The following AP3S2 variants were observed in gnomAD, a reference collection of about 807,000 sequenced individuals.
AP3S2 encodes adaptor related protein complex 3 subunit sigma 2, also known as AP-3 complex subunit sigma-2.
A neutral mutation model predicts 23.4 loss-of-function variants in AP3S2; 22 were observed. The ratio of observed to expected loss-of-function variants is 0.94; its 90% CI spans 0.67 to 1.34. The LOEUF is 1.34. Among genes scored for constraint, AP3S2 ranks in the 40% most tolerant of loss-of-function variants. AP3S2 has a pLI of 0.00. For missense variants in AP3S2, 241 were observed against 236.9 expected (o/e 1.02, Z -0.11); for synonymous variants, 86 against 87.1 (o/e 0.99, Z 0.07).
intron 4 of AP3S2, among the ~76,000 whole-genome samples, chr15:89,844,247 CTTTCTTTCTTTCTTTCTTTCTT>C (rs775973341): frequency 0.15 from 9,338 of 64,396 alleles, 386 homozygotes; most frequent in Non-Finnish European, 0.17. Flanking sequence ...TTCTTTCTTT[CTTTCTTTCTTTCTTTCTTTCTT>C]TCTCTCTCTC....
intron 1 of AP3S2, among the ~76,000 whole-genome samples, chr15:89,891,429 C>T (rs971535873): frequency 1.3e-5 from 2 of 152,146 alleles, no homozygotes; most frequent in South Asian, 2.1e-4. Flanking sequence ...GAGGCCAAGA[C>T]GGGCAGATTA....
chr15:89,885,217 T>A (rs1211201491), intron 3 of AP3S2, among the ~76,000 whole-genome samples: 1 of 151,766 alleles, frequency 6.6e-6, no homozygotes, highest in Non-Finnish European at 1.5e-5. Context: ...TTTTTTGAGA[T>A]AGAGTCTCGC....
chr15:89,857,577 G>A (rs537073760), intron 4 of AP3S2, among the ~76,000 whole-genome samples: 1 of 152,296 alleles, frequency 6.6e-6, no homozygotes, highest in South Asian at 2.1e-4. Flanking sequence ...AAGTATAGAA[G>A]ATATAAATGC....
intron 3 of AP3S2, among the ~76,000 whole-genome samples, chr15:89,883,737 G>A (rs924130214): frequency 3.9e-5 from 6 of 152,142 alleles, no homozygotes; most frequent in Admixed American, 1.3e-4. Context: ...AGATAACATT[G>A]GCTCTGGTTC....
intron 4 of AP3S2, among the ~76,000 whole-genome samples, chr15:89,866,261 CAAAAAAAAA>C (rs368571089): frequency 1.1e-5 from 1 of 87,726 alleles, no homozygotes; most frequent in African/African-American, 4.8e-5. Flanking sequence ...GACTCCGTCT[CAAAAAAAAA>C]AAAAAAAAAA....
intron 3 of AP3S2, among the ~76,000 whole-genome samples, chr15:89,882,283 C>T (rs1896589121): frequency 6.6e-6 from 1 of 151,922 alleles, no homozygotes; most frequent in Admixed American, 6.6e-5. Context: ...AACAAAGTAT[C>T]CAGTGTCTGT....
At chr15:89,835,733 A>C in intron 5 of AP3S2, 90 bp from the exon 6 acceptor site, 3 of 1,483,644 alleles carry the variant, frequency 2.0e-6, no homozygotes, top group Non-Finnish European at 2.7e-6. Context: ...GCAAAAACAA[A>C]AACAAACAAG....
chr15:89,863,399 A>G (rs1896048801), intron 4 of AP3S2, among the ~76,000 whole-genome samples: 1 of 152,166 alleles, frequency 6.6e-6, no homozygotes, highest in Non-Finnish European at 1.5e-5. Flanking sequence ...CATTCTGTGT[A>G]GACACAGAAG....
chr15:89,856,054 A>T, intron 4 of AP3S2, among the ~76,000 whole-genome samples: 1 of 152,198 alleles, frequency 6.6e-6, no homozygotes, highest in East Asian at 1.9e-4. Context: ...TGCATAAATT[A>T]CACAGTTAGA....
intron 3 of AP3S2, among the ~76,000 whole-genome samples, chr15:89,875,844 G>A (rs1896430451): frequency 6.6e-6 from 1 of 152,112 alleles, no homozygotes; most frequent in Non-Finnish European, 1.5e-5. Flanking sequence ...AGCTACTCGG[G>A]AGGCTGTGGT....
intron 3 of AP3S2, among the ~76,000 whole-genome samples, chr15:89,884,497 G>T (rs1042914384): frequency 6.6e-6 from 1 of 151,842 alleles, no homozygotes; most frequent in Non-Finnish European, 1.5e-5. Flanking sequence ...TAGATGATTT[G>T]TTTAAGGTCA....
chr15:89,864,583 C>T (rs138595738), intron 4 of AP3S2, among the ~76,000 whole-genome samples: 1,965 of 151,484 alleles, frequency 0.013, 19 homozygotes, highest in Middle Eastern at 0.068. Flanking sequence ...TTTTTTGAGA[C>T]GGAGTCTCGC....
intron 4 of AP3S2, among the ~76,000 whole-genome samples, chr15:89,843,649 A>G (rs549816318): frequency 2.0e-5 from 3 of 152,164 alleles, no homozygotes; most frequent in Admixed American, 1.3e-4. Context: ...AAAAACAAAC[A>G]AACAAAAGTT....
chr15:89,835,415 T>C lies in AP3S2; in HGVS notation c.*100A>G. The C allele has an allele frequency of 6.4e-7, 1 of 1,550,936 alleles. No homozygotes were observed. The highest frequency in any genetic ancestry group is 1.9e-5 in the Admixed American group (1 of 51,494). ...CACAAAGTTTCCAGGTCCTGAGGCT[T>C]GACTCTTCTAAGGCTCAAAATGGGT... is the stretch of plus-strand genomic sequence containing the variant. On this transcript the variant is annotated 3_prime_UTR_variant, in exon 6 of 6. Coordinates refer to ENST00000336418, the MANE Select transcript of AP3S2 (RefSeq NM_005829.5).
At chr15:89,879,390 G>A (rs1295127856) in intron 3 of AP3S2, among the ~76,000 whole-genome samples, 1 of 152,138 alleles carries the variant, frequency 6.6e-6, no homozygotes, top group Non-Finnish European at 1.5e-5. Context: ...GCATATAGAT[G>A]CACGTGGAAG....
chr15:89,885,576 A>G (rs1896678611), intron 3 of AP3S2, among the ~76,000 whole-genome samples: 1 of 152,150 alleles, frequency 6.6e-6, no homozygotes. Context: ...TCCCTTTAAA[A>G]CAATGTTTTC....
At position 89,831,348 on chromosome 15, in the gene AP3S2, C is replaced by CAGTG; in HGVS notation, c.*4163_*4166dup. The CAGTG allele has an allele frequency of 6.6e-6, 1 of 152,350 alleles. No individual in the cohort carries two copies. Among genetic ancestry groups the CAGTG allele is most frequent in the Admixed American group, 6.5e-5 (1 of 15,300 alleles). 9.4% of individuals were successfully genotyped at this position (152,350 alleles called of 1,614,324 possible). On this transcript the variant is annotated 3_prime_UTR_variant, in exon 6 of 6. Transcript: ENST00000336418. ...GCACACACTGGGCTAACCATCACCA[C>CAGTG]AGTGAGACTGGCACCCTCTGGGGTA...
At chr15:89,887,419 T>A (rs994077584) in intron 3 of AP3S2, among the ~76,000 whole-genome samples, 5 of 152,184 alleles carry the variant, frequency 3.3e-5, no homozygotes, top group Admixed American at 6.5e-5. Flanking sequence ...TCACCCAGGC[T>A]GGAGTGCAGT....
chr15:89,854,018 G>C lies in AP3S2; in HGVS notation c.346-16296C>G, dbSNP rs1472519931. ...CAGCCACCCCGTCCGGGAGGGACGT[G>C]GGGGGGGGGTCAGCCCCCCGCCCGG... On this transcript the variant is annotated intron_variant, in intron 4 of 5. Coordinates refer to ENST00000336418, the MANE Select transcript of AP3S2 (RefSeq NM_005829.5). Among the ~76,000 whole-genome samples the C allele has an allele frequency of 2.0e-4, 10 of 49,274 alleles. 4 individuals are homozygous for C. The highest frequency in any genetic ancestry group is 4.3e-4 in the Non-Finnish European group (10 of 23,426). 32.3% of individuals were successfully genotyped at this position (49,274 alleles called of 152,430 possible).
Sources: gnomAD v4.1 joint callset for allele counts (sites outside exome capture counted in the v4.1 genomes callset) on GRCh38, gnomAD v4.1.1 for gene constraint, MANE v1.5 for transcripts, NCBI Gene and HGNC (gene_info 2026-07-23, HGNC 2026-07-21) for gene names.